The following PDS5B variants were observed in gnomAD, a reference collection of about 807,000 sequenced individuals.
The protein encoded by PDS5B is sister chromatid cohesion protein PDS5 homolog B.
PDS5B carries 51 observed loss-of-function variants against 184.1 expected under a neutral mutation model. That is an observed-to-expected ratio of 0.28 (90% confidence interval 0.22 to 0.35). The LOEUF is 0.35. Among genes scored for constraint, PDS5B ranks in the 10% least tolerant of loss-of-function variants. PDS5B has a pLI of 1.00. For missense variants in PDS5B, 1,180 were observed against 1,723.3 expected (o/e 0.68, Z 5.58); for synonymous variants, 566 against 569.2 (o/e 0.99, Z 0.08).
chr13:32,598,147 C>T (rs944313255), intron 1 of PDS5B, among the ~76,000 whole-genome samples: 4 of 151,012 alleles, frequency 2.6e-5, no homozygotes, highest in Non-Finnish European at 3.0e-5. Flanking sequence ...GTGATCTTGG[C>T]GCACTGCAAC....
chr13:32,690,442 A>T (rs905559738), intron 13 of PDS5B: 1 of 152,188 alleles, frequency 6.6e-6, no homozygotes, highest in African/African-American at 2.4e-5. Context: ...AAGGTGTTCC[A>T]AGGTTCTTTT....
At chr13:32,652,661 G>T (rs1950400088) in intron 3 of PDS5B, 1 of 151,544 alleles carries the variant, frequency 6.6e-6, no homozygotes, top group African/African-American at 2.4e-5. Flanking sequence ...GGAAGCTGAG[G>T]TGGGAGGAGT....
chr13:32,684,545 T>TG (rs1398258023), intron 11 of PDS5B, among the ~76,000 whole-genome samples: 4 of 152,238 alleles, frequency 2.6e-5, no homozygotes. Flanking sequence ...GAGTACCCAC[T>TG]AGCTCCACTC....
intron 6 of PDS5B, among the ~76,000 whole-genome samples, chr13:32,661,987 TA>T (rs1219318567): frequency 6.6e-6 from 1 of 152,136 alleles, no homozygotes; most frequent in Non-Finnish European, 1.5e-5. Context: ...AGGATTATAA[TA>T]AAAGGAAGAG....
At chr13:32,635,001 CTTTTT>C (rs4057820) in intron 1 of PDS5B, among the ~76,000 whole-genome samples, 4 of 129,104 alleles carry the variant, frequency 3.1e-5, no homozygotes, top group Non-Finnish European at 4.8e-5. Context: ...CTTACTGCCT[CTTTTT>C]TTTTTTTTTT....
intron 1 of PDS5B, among the ~76,000 whole-genome samples, chr13:32,592,391 G>A (rs542103514): frequency 1.3e-5 from 2 of 152,154 alleles, no homozygotes; most frequent in South Asian, 4.1e-4. Context: ...GAGTAGCTGG[G>A]ACTACAGGTG....
At chr13:32,611,503 CTTTTTTTTTTT>C (rs35825698) in intron 1 of PDS5B, among the ~76,000 whole-genome samples, 1 of 110,918 alleles carries the variant, frequency 9.0e-6, no homozygotes, top group South Asian at 3.1e-4. Flanking sequence ...TTGGTTAAAA[CTTTTTTTTTTT>C]TTTTTTTTTT....
intron 10 of PDS5B, among the ~76,000 whole-genome samples, chr13:32,682,912 T>C (rs1267538617): frequency 6.6e-6 from 1 of 152,244 alleles, no homozygotes; most frequent in East Asian, 1.9e-4. Context: ...TCCTTTGTCC[T>C]GTGACATTTA....
intron 10 of PDS5B, among the ~76,000 whole-genome samples, chr13:32,683,171 CTTGGCTAATTTTT>C (rs1175907721): frequency 1.3e-4 from 20 of 152,056 alleles, no homozygotes; most frequent in Non-Finnish European, 1.3e-4. Context: ...TGCCACCACA[CTTGGCTAATTTTT>C]TTGTATTTTT....
At chr13:32,652,106 C>A in intron 3 of PDS5B, 99 bp downstream of exon 3, 57 of 727,290 alleles carry the variant, frequency 7.8e-5, no homozygotes, top group Non-Finnish European at 1.3e-4. Flanking sequence ...TCCTTGGATT[C>A]TTTGACATTA....
chr13:32,648,329 C>T (rs1016680394), intron 1 of PDS5B, among the ~76,000 whole-genome samples: 3 of 152,146 alleles, frequency 2.0e-5, no homozygotes, highest in African/African-American at 7.2e-5. Flanking sequence ...AACTGAATCC[C>T]ACATTTGTCA....
chr13:32,759,373 T>C (rs982809409), intron 28 of PDS5B, among the ~76,000 whole-genome samples: 3 of 152,172 alleles, frequency 2.0e-5, no homozygotes, highest in African/African-American at 7.2e-5. Flanking sequence ...AAGGGTGTTA[T>C]TAAAGAAGCA....
chr13:32,626,116 A>T lies in PDS5B; in HGVS notation c.-19-22638A>T, dbSNP rs2058367739. On this transcript the variant is annotated intron_variant, in intron 1 of 34. Coordinates refer to ENST00000315596, the MANE Select transcript of PDS5B (RefSeq NM_015032.4). ...CGGCCTCCCAAAGTGCTGGGATTAC[A>T]GGCGTGGTCCACTGCACCCAGCCCC... Among the ~76,000 whole-genome samples, 5 of 152,172 alleles carry T rather than the reference A, an allele frequency of 3.3e-5. No individual in the cohort carries two copies. The South Asian group carries it at 8.3e-4, about 25-fold the overall frequency.
intron 1 of PDS5B, among the ~76,000 whole-genome samples, chr13:32,610,646 AT>A (rs1258213497): frequency 6.6e-6 from 1 of 151,084 alleles, no homozygotes; most frequent in South Asian, 2.1e-4. Flanking sequence ...TAAAAATCTA[AT>A]TTTTTCCTTT....
chr13:32,667,169 C>T (rs553314638), intron 6 of PDS5B, among the ~76,000 whole-genome samples: 1 of 152,126 alleles, frequency 6.6e-6, no homozygotes, highest in South Asian at 2.1e-4. Context: ...ATCTTTACTT[C>T]CTTGTATCAT....
intron 23 of PDS5B, among the ~76,000 whole-genome samples, chr13:32,743,963 C>T (rs1953655587): frequency 6.6e-6 from 1 of 151,882 alleles, no homozygotes; most frequent in Admixed American, 6.6e-5. Flanking sequence ...TACATTTGGC[C>T]TTATAAATCA....
intron 30 of PDS5B, chr13:32,763,550 C>T (rs983713331): frequency 1.3e-5 from 2 of 151,950 alleles, no homozygotes; most frequent in Non-Finnish European, 2.9e-5. Flanking sequence ...CTTTCGACCA[C>T]CCTCAGATTT....
chr13:32,603,998 A>G (rs58367008), intron 1 of PDS5B, among the ~76,000 whole-genome samples: 1,582 of 152,300 alleles, frequency 0.01, 40 homozygotes, highest in African/African-American at 0.035. Context: ...GGTTTTCTAA[A>G]TATACAGTCA....
chr13:32,703,187 A>G (rs745410952), intron 17 of PDS5B, among the ~76,000 whole-genome samples: 3 of 152,230 alleles, frequency 2.0e-5, no homozygotes, highest in Admixed American at 6.5e-5. Flanking sequence ...ATGTGAAACT[A>G]TGAGAATGGA....
Sources: allele counts gnomAD v4.1 joint callset (sites outside exome capture counted in the v4.1 genomes callset), GRCh38; gene constraint gnomAD v4.1.1; transcripts MANE v1.5; gene names NCBI Gene and HGNC (gene_info 2026-07-23, HGNC 2026-07-21).